SFMBT2: variants seen among roughly 807,000 people sequenced by gnomAD.
The protein encoded by SFMBT2 is Scm like with four mbt domains 2, also known as scm-like with four MBT domains protein 2.
SFMBT2 carries 38 observed loss-of-function variants against 110.1 expected under a neutral mutation model. That is an observed-to-expected ratio of 0.35 (90% confidence interval 0.27 to 0.45). SFMBT2 has a LOEUF of 0.45. SFMBT2 is among the 20% of genes least tolerant of loss of function. The pLI is 1.00. For synonymous variants in SFMBT2, 425 were observed against 425.4 expected (o/e 1.00, Z 0.01); for missense variants, 1,011 against 1,094.9 (o/e 0.92, Z 1.08).
intron 7 of SFMBT2, among the ~76,000 whole-genome samples, chr10:7,269,825 CTCTTT>C (rs201571722): frequency 0.25 from 20,612 of 82,428 alleles, 1,912 homozygotes; most frequent in South Asian, 0.47. Flanking sequence ...GAGAAGATTT[CTCTTT>C]TTTTTTTTTT....
intron 1 of SFMBT2, among the ~76,000 whole-genome samples, chr10:7,392,983 T>TA (rs1845811430): frequency 3.3e-5 from 2 of 59,954 alleles, no homozygotes; most frequent in Non-Finnish European, 6.8e-5. Flanking sequence ...TGTGGATAGA[T>TA]TATATATATA....
At chr10:7,368,854 T>G (rs1844986700) in intron 3 of SFMBT2, among the ~76,000 whole-genome samples, 2 of 152,228 alleles carry the variant, frequency 1.3e-5, no homozygotes, top group South Asian at 4.1e-4. Context: ...AATATTTAGC[T>G]CTTGGTTTTA....
At chr10:7,262,938 C>T (rs1302010869) in intron 7 of SFMBT2, among the ~76,000 whole-genome samples, 1 of 152,132 alleles carries the variant, frequency 6.6e-6, no homozygotes, top group Non-Finnish European at 1.5e-5. Flanking sequence ...CTGTATGTTG[C>T]CAGGGACGGG....
At chr10:7,326,307 C>T (rs1232543216) in intron 4 of SFMBT2, among the ~76,000 whole-genome samples, 1 of 152,246 alleles carries the variant, frequency 6.6e-6, no homozygotes, top group African/African-American at 2.4e-5. Context: ...TCTGGCAGAA[C>T]ATTTCAAGAT....
intron 12 of SFMBT2, chr10:7,205,172 TC>T: frequency 5.0e-6 from 1 of 201,048 alleles, no homozygotes. Context: ...AGCGTTGACC[TC>T]CCGGGCTCAG....
At chr10:7,284,939 T>C (rs1417033524) in intron 5 of SFMBT2, 1 of 152,198 alleles carries the variant, frequency 6.6e-6, no homozygotes, top group Non-Finnish European at 1.5e-5. Context: ...TAATGAACAA[T>C]TAAAATAGTA....
At chr10:7,393,587 T>G (rs528756464) in intron 1 of SFMBT2, among the ~76,000 whole-genome samples, 13 of 152,368 alleles carry the variant, frequency 8.5e-5, no homozygotes, top group Admixed American at 5.9e-4. Flanking sequence ...GAAATCACTG[T>G]GGCAGAGGCT....
At chr10:7,267,026 G>A (rs961739994) in intron 7 of SFMBT2, among the ~76,000 whole-genome samples, 6 of 152,208 alleles carry the variant, frequency 3.9e-5, no homozygotes, top group African/African-American at 1.4e-4. Flanking sequence ...TGTCTAAACT[G>A]TGTGTACAAA....
Position 7,197,253 on chromosome 10 carries a change from A to G in SFMBT2, c.1698+295T>C, listed in dbSNP as rs115139273. 5.9e-3 allele frequency among the ~76,000 whole-genome samples: 903 copies of G among 152,012 alleles called. 11 individuals are homozygous for G. Among genetic ancestry groups the G allele is most frequent in the African/African-American group, 0.021 (864 of 41,466 alleles). On this transcript the variant is annotated intron_variant, in intron 15 of 20. Transcript: ENST00000397167. ...GTCCTAGGCCCTCACTCCACACACA[A>G]TCTTCCCTCTGTCTTCCCAAAGCAC...
intron 1 of SFMBT2, among the ~76,000 whole-genome samples, chr10:7,385,598 A>G (rs964172225): frequency 6.6e-6 from 1 of 152,210 alleles, no homozygotes; most frequent in Admixed American, 6.5e-5. Context: ...ATAACAAAAA[A>G]CACAGCTCCA....
At chr10:7,186,721 A>T (rs1838424526) in intron 16 of SFMBT2, among the ~76,000 whole-genome samples, 1 of 152,120 alleles carries the variant, frequency 6.6e-6, no homozygotes, top group African/African-American at 2.4e-5. Flanking sequence ...CTCTCCTCCC[A>T]TTTGCACCAA....
At chr10:7,349,260 G>A (rs1490983922) in intron 4 of SFMBT2, among the ~76,000 whole-genome samples, 2 of 151,948 alleles carry the variant, frequency 1.3e-5, no homozygotes, top group Non-Finnish European at 2.9e-5. Context: ...CACGTGTGAT[G>A]GAATGCTCAG....
chr10:7,220,358 T>A (rs905391113), intron 11 of SFMBT2, 53 bp downstream of exon 11: 1 of 1,561,044 alleles, frequency 6.4e-7, no homozygotes. Flanking sequence ...ACGTTGCCAT[T>A]TCGACAAACT....
rs1156515138 is a variant in SFMBT2, at chr10:7,178,304, C to T, written c.1809-2139G>A. Among the ~76,000 whole-genome samples, 3 of 152,328 alleles carry T rather than the reference C, an allele frequency of 2.0e-5. No homozygotes were observed. In the East Asian group the frequency reaches 5.8e-4, roughly 29 times the overall value. On this transcript the variant is annotated intron_variant, in intron 16 of 20. Transcript: ENST00000397167. ...CACTTGTCTCTGATCTTAGAGGAAA[C>T]ACCAATCTAGATGAAGGGTATGGAA...
At chr10:7,263,456 G>A (rs972566185) in intron 7 of SFMBT2, among the ~76,000 whole-genome samples, 28 of 152,126 alleles carry the variant, frequency 1.8e-4, no homozygotes, top group African/African-American at 6.3e-4. Context: ...TAGCCAGGCT[G>A]GTCTCGAACT....
chr10:7,321,966 C>A (rs1210092962), intron 4 of SFMBT2, among the ~76,000 whole-genome samples: 1 of 152,144 alleles, frequency 6.6e-6, no homozygotes, highest in African/African-American at 2.4e-5. Context: ...ACAAATTTGA[C>A]CTCTAAATGT....
intron 3 of SFMBT2, chr10:7,368,452 T>C (rs1468211651): frequency 1.5e-6 from 1 of 649,260 alleles, no homozygotes; most frequent in Non-Finnish European, 1.9e-6. Flanking sequence ...ACATATCCGC[T>C]GTCCGCAAGT....
At chr10:7,179,048 G>A (rs368798671) in intron 16 of SFMBT2, among the ~76,000 whole-genome samples, 31 of 150,616 alleles carry the variant, frequency 2.1e-4, no homozygotes, top group African/African-American at 6.1e-4. Flanking sequence ...AAGTATCAAC[G>A]GCAAAAAAAA....
intron 7 of SFMBT2, among the ~76,000 whole-genome samples, chr10:7,272,787 C>T (rs1372476404): frequency 6.6e-6 from 1 of 152,054 alleles, no homozygotes. Flanking sequence ...CATTCTAATC[C>T]CCCCTACCCT....
Sources: allele counts gnomAD v4.1 joint callset (sites outside exome capture counted in the v4.1 genomes callset), GRCh38; gene constraint gnomAD v4.1.1; transcripts MANE v1.5; gene names NCBI Gene and HGNC (gene_info 2026-07-23, HGNC 2026-07-21).